R3HDM2: variants seen among roughly 807,000 people sequenced by gnomAD.
The protein encoded by R3HDM2 is R3H domain containing 2.
Under a neutral mutation model 124.5 loss-of-function variants are expected in R3HDM2, and 38 were observed. The observed-to-expected ratio is 0.31, with a 90% CI of 0.24 to 0.40. R3HDM2 has a LOEUF of 0.40. R3HDM2 is among the 10% of genes least tolerant of loss of function. The pLI is 1.00. For synonymous variants in R3HDM2, 391 were observed against 448.0 expected (o/e 0.87, Z 1.61); for missense variants, 869 against 1,236.9 (o/e 0.70, Z 4.46).
Position 57,292,575 on chromosome 12 carries a change from T to C in R3HDM2, c.903A>G (p.Arg301=). ...YQRVRERIFA[R]ETGQNGYLND... ...AACTCTCAGATGCTACACTTACCTC[T>C]CGGGCAAATATTCTCTCTCGGACCC... The change falls in exon 11 of 24, where the codon CGA becomes CGG. Residue 301 remains arginine, a synonymous_variant. Coordinates refer to ENST00000402412, the MANE Select transcript of R3HDM2 (RefSeq NM_001394031.1). 6.5e-7 allele frequency: 1 copy of C among 1,548,502 alleles called. No homozygotes were observed.
intron 2 of R3HDM2, among the ~76,000 whole-genome samples, chr12:57,322,847 G>T (rs2056665826): frequency 6.6e-6 from 1 of 152,040 alleles, no homozygotes; most frequent in South Asian, 2.1e-4. Context: ...AGCATTCTGG[G>T]GTGTGGAGTG....
intron 10 of R3HDM2, among the ~76,000 whole-genome samples, chr12:57,293,516 C>T (rs143083744): frequency 1.1e-3 from 175 of 152,192 alleles, no homozygotes; most frequent in African/African-American, 4.1e-3. Flanking sequence ...GGGGAGATCA[C>T]CACCTCTGAG....
intron 2 of R3HDM2, among the ~76,000 whole-genome samples, chr12:57,346,838 T>C (rs2060138536): frequency 2.0e-5 from 3 of 152,210 alleles, no homozygotes. Context: ...TTAATGTATG[T>C]AGATGTAACA....
intron 14 of R3HDM2, among the ~76,000 whole-genome samples, chr12:57,271,698 A>G (rs2043622326): frequency 6.6e-6 from 1 of 152,216 alleles, no homozygotes; most frequent in African/African-American, 2.4e-5. Context: ...GAGCAAAACA[A>G]TTCAGGGCTC....
intron 3 of R3HDM2, among the ~76,000 whole-genome samples, chr12:57,308,567 T>G (rs2053254011): frequency 6.6e-6 from 1 of 151,822 alleles, no homozygotes; most frequent in Admixed American, 6.5e-5. Flanking sequence ...GCGCCTGTAA[T>G]CCCAACTACT....
At chr12:57,302,705 A>G (rs576615268) in intron 4 of R3HDM2, among the ~76,000 whole-genome samples, 36 of 151,836 alleles carry the variant, frequency 2.4e-4, no homozygotes, top group Admixed American at 9.8e-4. Flanking sequence ...TTAGGGGGAA[A>G]AAAAAGCCTG....
Position 57,402,231 on chromosome 12 carries a change from GT to G in R3HDM2, c.-105-6414del, listed in dbSNP as rs1594504987. On this transcript the variant is annotated intron_variant, in intron 1 of 23. Coordinates refer to ENST00000402412, the MANE Select transcript of R3HDM2 (RefSeq NM_001394031.1). ...AATCTCCTGAATCCGAGAGGCAGAG[GT>G]TGCAGTGAGCTGAAGTCCCACCACT... Among the ~76,000 whole-genome samples the G allele has an allele frequency of 2.0e-5, 3 of 151,582 alleles. No individual in the cohort carries two copies. The East Asian group carries it at 5.8e-4, about 30-fold the overall frequency.
chr12:57,355,331 C>T (rs942080753), intron 2 of R3HDM2, among the ~76,000 whole-genome samples: 12 of 150,906 alleles, frequency 8.0e-5, no homozygotes, highest in African/African-American at 1.5e-4. Context: ...TAGTGGCAGG[C>T]GCCTATAGTC....
At chr12:57,285,042 C>A (rs780027988) in intron 12 of R3HDM2, among the ~76,000 whole-genome samples, 158 of 152,174 alleles carry the variant, frequency 1.0e-3, no homozygotes, top group Non-Finnish European at 1.8e-3. Flanking sequence ...CAACTAATGA[C>A]CTAAGGAAAC....
At chr12:57,414,526 CAG>C (rs1375204447) in intron 1 of R3HDM2, among the ~76,000 whole-genome samples, 1 of 102,648 alleles carries the variant, frequency 9.7e-6, no homozygotes, top group Non-Finnish European at 2.0e-5. Context: ...AAACCAAAAA[CAG>C]AGAATTAAGA....
At chr12:57,360,735 C>A (rs528005882) in intron 2 of R3HDM2, among the ~76,000 whole-genome samples, 1 of 152,186 alleles carries the variant, frequency 6.6e-6, no homozygotes, top group Non-Finnish European at 1.5e-5. Context: ...GAAAATGTGG[C>A]TTTTATATGG....
intron 1 of R3HDM2, among the ~76,000 whole-genome samples, chr12:57,401,240 C>A (rs1003007957): frequency 1.3e-5 from 2 of 151,742 alleles, no homozygotes; most frequent in African/African-American, 4.8e-5. Flanking sequence ...GGCCTTGTGA[C>A]TTGCTTCAAC....
At chr12:57,368,708 T>C (rs1436671388) in intron 2 of R3HDM2, among the ~76,000 whole-genome samples, 1 of 152,150 alleles carries the variant, frequency 6.6e-6, no homozygotes, top group African/African-American at 2.4e-5. Context: ...AAAGGAAAAC[T>C]GGAAGCTCAG....
At chr12:57,262,106 A>G (rs1014897424) in intron 19 of R3HDM2, among the ~76,000 whole-genome samples, 1 of 152,190 alleles carries the variant, frequency 6.6e-6, no homozygotes, top group Admixed American at 6.5e-5. Flanking sequence ...CATCTATGGA[A>G]AGGAATTGTT....
intron 3 of R3HDM2, among the ~76,000 whole-genome samples, chr12:57,308,414 C>A (rs2053203502): frequency 6.6e-6 from 1 of 150,610 alleles, no homozygotes; most frequent in Non-Finnish European, 1.5e-5. Flanking sequence ...ATAGATGGGG[C>A]CAGGTGCTGC....
rs373423374 is a variant in R3HDM2 at position 57,255,125 on chromosome 12, G to A, written c.2633-12C>T. On this transcript the variant is annotated splice_polypyrimidine_tract_variant and intron_variant, in intron 23 of 23. Coordinates refer to ENST00000402412, the MANE Select transcript of R3HDM2 (RefSeq NM_001394031.1). ...CACCCGCCCCAGGACTGGAAGGGGAGGAGAGAGGACATGGTTGTGAGAGGA... is the reference window on the plus strand; with the variant it reads ...CACCCGCCCCAGGACTGGAAGGGGAAGAGAGAGGACATGGTTGTGAGAGGA... 742 of 1,564,414 alleles carry A rather than the reference G, an allele frequency of 4.7e-4. 3 individuals are homozygous for A. Among genetic ancestry groups the A allele is most frequent in the Admixed American group, 4.9e-4 (27 of 55,032 alleles).
At chr12:57,349,379 C>CAAAAAAAAAAAAAAAAAAAAAA (rs1161831845) in intron 2 of R3HDM2, among the ~76,000 whole-genome samples, 4 of 57,776 alleles carry the variant, frequency 6.9e-5, no homozygotes, top group African/African-American at 3.7e-4. Flanking sequence ...ACTCCGTCTC[C>CAAAAAAAAAAAAAAAAAAAAAA]AAAAAAAAAA....
At chr12:57,357,610 G>A (rs950332470) in intron 2 of R3HDM2, among the ~76,000 whole-genome samples, 2 of 145,442 alleles carry the variant, frequency 1.4e-5, no homozygotes, top group Non-Finnish European at 3.0e-5. Context: ...GTTCAATTTT[G>A]TCAATCTTAA....
intron 1 of R3HDM2, among the ~76,000 whole-genome samples, chr12:57,427,183 C>T (rs1298753030): frequency 1.3e-5 from 2 of 151,606 alleles, no homozygotes; most frequent in African/African-American, 4.8e-5. Context: ...CCTAGCTACT[C>T]AGGAGGCTGA....
Sources: gnomAD v4.1 joint callset for allele counts (sites outside exome capture counted in the v4.1 genomes callset) on GRCh38, gnomAD v4.1.1 for gene constraint, MANE v1.5 for transcripts, NCBI Gene and HGNC (gene_info 2026-07-23, HGNC 2026-07-21) for gene names.